ARHGAP10: variants seen among roughly 807,000 people sequenced by gnomAD.
ARHGAP10 encodes the protein rho GTPase-activating protein 10.
Under a neutral mutation model 108.6 loss-of-function variants are expected in ARHGAP10, and 87 were observed. The ratio of observed to expected loss-of-function variants is 0.80; its 90% CI spans 0.67 to 0.96. The LOEUF (loss-of-function observed/expected upper bound fraction) is 0.96. ARHGAP10 is among the 40% of genes least tolerant of loss of function. ARHGAP10 has a pLI of 0.00. For synonymous variants in ARHGAP10, 347 were observed against 341.1 expected, an observed-to-expected ratio of 1.02 and a Z score of -0.19; for missense variants, 939 against 954.5, an observed-to-expected ratio of 0.98 and a Z score of 0.21.
rs147358803 is a variant in ARHGAP10 at position 147,742,727 on chromosome 4, C to T, written c.154+10272C>T. Among the ~76,000 whole-genome samples the T allele has an allele frequency of 4.6e-3, 697 of 151,876 alleles. 2 individuals carry two copies. Among genetic ancestry groups the T allele is most frequent in the African/African-American group, 0.012 (478 of 41,420 alleles). ...TCTTGAACTCCTGACCTCAGTGATC[C>T]GCCTCTCTCGGCCTCCCAAAGTTCT... is the stretch of plus-strand genomic sequence containing the variant. On this transcript the variant is annotated intron_variant, in intron 1 of 22. Coordinates refer to ENST00000336498, the MANE Select transcript of ARHGAP10 (RefSeq NM_024605.4).
intron 18 of ARHGAP10, among the ~76,000 whole-genome samples, chr4:147,968,027 G>C (rs1489933732): frequency 6.6e-6 from 1 of 152,224 alleles, no homozygotes; most frequent in African/African-American, 2.4e-5. Context: ...TTGTTCATAA[G>C]AGTTAAAACA....
intron 18 of ARHGAP10, among the ~76,000 whole-genome samples, chr4:147,998,863 G>A (rs1435103333): frequency 6.6e-6 from 1 of 152,154 alleles, no homozygotes; most frequent in Non-Finnish European, 1.5e-5. Flanking sequence ...CTGTTTAATT[G>A]TTGAAATGTT....
At chr4:147,940,848 G>A (rs915889167) in intron 14 of ARHGAP10, among the ~76,000 whole-genome samples, 10 of 152,184 alleles carry the variant, frequency 6.6e-5, no homozygotes, top group African/African-American at 1.9e-4. Context: ...GATTTAATAA[G>A]CAACAATCTT....
At chr4:147,793,322 T>TATATATA (rs56995861) in intron 1 of ARHGAP10, among the ~76,000 whole-genome samples, 435 of 33,982 alleles carry the variant, frequency 0.013, 4 homozygotes, top group African/African-American at 0.017. Flanking sequence ...ATATATATAT[T>TATATATA]TTTTTTTTTT....
chr4:147,747,915 G>T lies in ARHGAP10; in HGVS notation c.154+15460G>T, dbSNP rs182367025. ...CTAGACCAGTGGTTCTCAAATGGGTGATTTTGACTGTCTAGAGACAATTTT... is the reference window on the plus strand; with the variant it reads ...CTAGACCAGTGGTTCTCAAATGGGTTATTTTGACTGTCTAGAGACAATTTT... On this transcript the variant is annotated intron_variant, in intron 1 of 22. Coordinates refer to ENST00000336498, the MANE Select transcript of ARHGAP10 (RefSeq NM_024605.4). Among the ~76,000 whole-genome samples the T allele has an allele frequency of 7.0e-4, 107 of 152,310 alleles. 1 individual carries two copies. The highest frequency in any genetic ancestry group is 2.4e-3 in the African/African-American group (99 of 41,568).
chr4:148,006,369 G>A (rs1301783759), intron 18 of ARHGAP10, among the ~76,000 whole-genome samples: 4 of 152,232 alleles, frequency 2.6e-5, no homozygotes, highest in African/African-American at 7.2e-5. Context: ...AGCTGACAAC[G>A]AAAATGGTGG....
chr4:147,817,337 G>A (rs921225961), intron 1 of ARHGAP10, among the ~76,000 whole-genome samples: 2 of 152,252 alleles, frequency 1.3e-5, no homozygotes, highest in East Asian at 1.9e-4. Context: ...TCAAGGTAGG[G>A]TGACCCAAAC....
At chr4:147,963,665 C>T (rs1339404219) in intron 16 of ARHGAP10, among the ~76,000 whole-genome samples, 1 of 152,180 alleles carries the variant, frequency 6.6e-6, no homozygotes, top group African/African-American at 2.4e-5. Flanking sequence ...CAAGTGGCTT[C>T]AAAGAAGAGG....
intron 20 of ARHGAP10, among the ~76,000 whole-genome samples, chr4:148,054,215 G>A (rs1326077034): frequency 2.0e-5 from 3 of 152,206 alleles, no homozygotes; most frequent in Non-Finnish European, 4.4e-5. Context: ...GTTTACATTG[G>A]TAAGTCACTG....
At chr4:147,734,846 G>A (rs990125791) in intron 1 of ARHGAP10, among the ~76,000 whole-genome samples, 1 of 152,082 alleles carries the variant, frequency 6.6e-6, no homozygotes, top group Non-Finnish European at 1.5e-5. Context: ...TTGGGTGGAG[G>A]ATCTACAGAA....
chr4:147,964,944 A>G (rs948056943), intron 16 of ARHGAP10, 80 bp from the exon 17 acceptor site: 2 of 934,676 alleles, frequency 2.1e-6, no homozygotes, highest in African/African-American at 1.7e-5. Context: ...CTTGGGAAAT[A>G]TATTTGATTC....
intron 19 of ARHGAP10, among the ~76,000 whole-genome samples, chr4:148,045,742 A>AAC (rs1454800484): frequency 1.3e-4 from 19 of 148,534 alleles, no homozygotes; most frequent in Non-Finnish European, 2.7e-4. Flanking sequence ...CCATCTCAAA[A>AAC]AAAAAAAAAA....
intron 1 of ARHGAP10, among the ~76,000 whole-genome samples, chr4:147,780,200 G>T (rs989281499): frequency 2.6e-5 from 4 of 152,136 alleles, no homozygotes; most frequent in Admixed American, 1.3e-4. Flanking sequence ...GGCTGCACTC[G>T]TTTCACTTCC....
At chr4:148,022,617 G>A (rs911068214) in intron 18 of ARHGAP10, among the ~76,000 whole-genome samples, 3 of 152,124 alleles carry the variant, frequency 2.0e-5, no homozygotes, top group African/African-American at 7.2e-5. Flanking sequence ...TTTAATTAAT[G>A]TTGTTATTAC....
chr4:147,733,438 G>C (rs1485075899), intron 1 of ARHGAP10, among the ~76,000 whole-genome samples: 3 of 152,122 alleles, frequency 2.0e-5, no homozygotes, highest in Non-Finnish European at 2.9e-5. Context: ...TAAAAGACCT[G>C]TCCATACAGC....
chr4:147,795,428 T>C (rs576546472), intron 1 of ARHGAP10, among the ~76,000 whole-genome samples: 1 of 152,312 alleles, frequency 6.6e-6, no homozygotes, highest in Admixed American at 6.5e-5. Context: ...TTATATTTTT[T>C]CCTTGAGGGT....
intron 1 of ARHGAP10, among the ~76,000 whole-genome samples, chr4:147,804,161 C>T (rs186053930): frequency 6.0e-4 from 92 of 152,182 alleles, no homozygotes; most frequent in Non-Finnish European, 1.0e-3. Context: ...TCCTACCCTC[C>T]ACCCTCAAGT....
At chr4:147,874,324 A>G (rs1480047562) in intron 7 of ARHGAP10, among the ~76,000 whole-genome samples, 1 of 152,352 alleles carries the variant, frequency 6.6e-6, no homozygotes, top group East Asian at 1.9e-4. Context: ...TTGCCTTGCT[A>G]ATTCTGTCAC....
At chr4:147,967,219 A>G (rs1477615946) in intron 18 of ARHGAP10, among the ~76,000 whole-genome samples, 1 of 152,258 alleles carries the variant, frequency 6.6e-6, no homozygotes, top group East Asian at 1.9e-4. Context: ...TGCAACTTAC[A>G]AGAGAAAATA....
Sources: allele counts gnomAD v4.1 joint callset (sites outside exome capture counted in the v4.1 genomes callset), GRCh38; gene constraint gnomAD v4.1.1; transcripts MANE v1.5; gene names NCBI Gene and HGNC (gene_info 2026-07-23, HGNC 2026-07-21).